Variants in HOMER1 observed in about 807,000 individuals in gnomAD.
The protein encoded by HOMER1 is homer scaffold protein 1.
HOMER1 carries 3 observed loss-of-function variants against 48.9 expected under a neutral mutation model. The observed-to-expected ratio is 0.06, with a 90% confidence interval of 0.03 to 0.16. The LOEUF is 0.16. HOMER1 is among the 10% of genes least tolerant of loss of function. The pLI, the probability that HOMER1 is intolerant of heterozygous loss-of-function variation, is 1.00. For missense variants in HOMER1, 247 were observed against 411.4 expected (o/e 0.60, Z 3.46); for synonymous variants, 134 against 146.4 (o/e 0.92, Z 0.61).
chr5:79,472,421 G>A (rs1361049627), intron 1 of HOMER1, among the ~76,000 whole-genome samples: 1 of 152,088 alleles, frequency 6.6e-6, no homozygotes, highest in East Asian at 1.9e-4. Flanking sequence ...GCAGATTTGT[G>A]CACTTTACTG....
At chr5:79,427,650 A>ACCTT (rs1178778660) in intron 5 of HOMER1, among the ~76,000 whole-genome samples, 1 of 104,422 alleles carries the variant, frequency 9.6e-6, no homozygotes, top group Non-Finnish European at 2.1e-5. Flanking sequence ...TTTCCTTCCT[A>ACCTT]CCTTCCTTCC....
intron 1 of HOMER1, among the ~76,000 whole-genome samples, chr5:79,502,855 A>G (rs1388195108): frequency 6.6e-6 from 1 of 152,130 alleles, no homozygotes; most frequent in Admixed American, 6.5e-5. Flanking sequence ...CAGTGGCGCA[A>G]TCTCAGCTCA....
chr5:79,434,987 G>A (rs1418795688), intron 5 of HOMER1, among the ~76,000 whole-genome samples: 4 of 151,982 alleles, frequency 2.6e-5, no homozygotes, highest in Non-Finnish European at 5.9e-5. Context: ...TAACACAGTG[G>A]AGGAGGACTA....
chr5:79,468,088 C>A, intron 1 of HOMER1, among the ~76,000 whole-genome samples: 1 of 152,160 alleles, frequency 6.6e-6, no homozygotes, highest in East Asian at 1.9e-4. Flanking sequence ...GGTCATTTAA[C>A]TGCCACATAA....
In HOMER1 at chr5:79,387,069, T is replaced by TCTCTC. The variant is rs1749133581; in HGVS notation, c.876+9753_876+9754insGAGAG. ...CTTCCTTCCTTCCTCTTTCCTTTCT[T>TCTCTC]TCTCTATCTCTCTCTCTCTCTCTCT... On this transcript the variant is annotated intron_variant, in intron 8 of 8. Transcript: ENST00000334082. 1.2e-3 allele frequency among the ~76,000 whole-genome samples: 159 copies of TCTCTC among 132,352 alleles called. 4 individuals are homozygous for TCTCTC. Among genetic ancestry groups the TCTCTC allele is most frequent in the Middle Eastern group, 3.7e-3 (1 of 268 alleles). 86.8% of individuals were successfully genotyped at this position (132,352 alleles called of 152,430 possible).
chr5:79,490,176 T>G (rs531942521), intron 1 of HOMER1, among the ~76,000 whole-genome samples: 10 of 152,384 alleles, frequency 6.6e-5, no homozygotes, highest in Admixed American at 2.0e-4. Flanking sequence ...AGACATTTGT[T>G]AAATGAATTT....
chr5:79,509,010 T>C (rs1002137690), intron 1 of HOMER1, among the ~76,000 whole-genome samples: 1 of 152,354 alleles, frequency 6.6e-6, no homozygotes, highest in South Asian at 2.1e-4. Context: ...GGTGGTTATC[T>C]TTGCAATAAA....
At chr5:79,454,905 C>T (rs987918158) in intron 2 of HOMER1, among the ~76,000 whole-genome samples, 1 of 152,058 alleles carries the variant, frequency 6.6e-6, no homozygotes, top group Non-Finnish European at 1.5e-5. Flanking sequence ...TCACAACAAC[C>T]CTATGGTGGA....
At chr5:79,397,489 G>T in intron 7 of HOMER1, 38 bp downstream of exon 7, 1 of 1,135,638 alleles carries the variant, frequency 8.8e-7, no homozygotes, top group Non-Finnish European at 1.3e-6. Flanking sequence ...GTACAAACAT[G>T]TTAGCTAGAT....
At chr5:79,502,642 G>T (rs1163064328) in intron 1 of HOMER1, among the ~76,000 whole-genome samples, 1 of 152,078 alleles carries the variant, frequency 6.6e-6, no homozygotes, top group African/African-American at 2.4e-5. Context: ...TACCATCTTT[G>T]AAAACATTCT....
chr5:79,423,746 A>G (rs1437621022), intron 5 of HOMER1, among the ~76,000 whole-genome samples: 14 of 152,104 alleles, frequency 9.2e-5, no homozygotes, highest in Admixed American at 9.2e-4. Context: ...AATCAGGATA[A>G]GGAGATTCAG....
In HOMER1 at chr5:79,432,354, C is replaced by T. The variant is rs116875747; in HGVS notation, c.527+6656G>A. Reference sequence around the variant, plus strand: ...ATAATTAATCTAGGATCAATCTGTTCCATGGCAAATGACCACACCTGTAAT... The same window carrying T: ...ATAATTAATCTAGGATCAATCTGTTTCATGGCAAATGACCACACCTGTAAT... On this transcript the variant is annotated intron_variant, in intron 5 of 8. Transcript: ENST00000334082. 3.9e-3 allele frequency among the ~76,000 whole-genome samples: 594 copies of T among 152,290 alleles called. 7 individuals carry two copies. The South Asian group carries it at 0.041, about 10-fold the overall frequency.
chr5:79,502,912 TCC>T (rs2112376389), intron 1 of HOMER1, among the ~76,000 whole-genome samples: 1 of 152,260 alleles, frequency 6.6e-6, no homozygotes, highest in Non-Finnish European at 1.5e-5. Context: ...TGCCTCAGCC[TCC>T]CGAGTAGCTG....
chr5:79,435,830 C>T (rs574254904), intron 5 of HOMER1, among the ~76,000 whole-genome samples: 2 of 144,126 alleles, frequency 1.4e-5, no homozygotes, highest in East Asian at 4.2e-4. Flanking sequence ...GACTCTGTCT[C>T]TAAATAAATA....
intron 3 of HOMER1, among the ~76,000 whole-genome samples, chr5:79,449,251 A>T (rs918412305): frequency 1.6e-4 from 11 of 70,442 alleles, no homozygotes; most frequent in South Asian, 5.6e-4. Context: ...ATAGGCAATA[A>T]AAAAAAACAC....
intron 8 of HOMER1, among the ~76,000 whole-genome samples, chr5:79,379,397 A>C (rs1160775307): frequency 8.8e-6 from 1 of 113,774 alleles, no homozygotes; most frequent in Non-Finnish European, 1.7e-5. Flanking sequence ...ATATTATATA[A>C]ATATTTATAT....
At chr5:79,376,233 A>C in intron 8 of HOMER1, 36 bp from the exon 9 acceptor site, 3 of 1,463,362 alleles carry the variant, frequency 2.1e-6, no homozygotes, top group Middle Eastern at 1.8e-4. Flanking sequence ...ATATATGTCA[A>C]TTCATCACTT....
At chr5:79,415,157 G>C (rs1749909720) in intron 5 of HOMER1, among the ~76,000 whole-genome samples, 1 of 151,866 alleles carries the variant, frequency 6.6e-6, no homozygotes, top group African/African-American at 2.4e-5. Flanking sequence ...GGGCTCAAGT[G>C]ATCCTCCCAC....
chr5:79,453,289 G>A (rs893664981), intron 2 of HOMER1, among the ~76,000 whole-genome samples: 2 of 152,160 alleles, frequency 1.3e-5, no homozygotes, highest in Non-Finnish European at 2.9e-5. Context: ...CATTTTATAC[G>A]TGACCCTAAT....
Sources: allele counts gnomAD v4.1 joint callset (sites outside exome capture counted in the v4.1 genomes callset), GRCh38; gene constraint gnomAD v4.1.1; transcripts MANE v1.5; gene names NCBI Gene and HGNC (gene_info 2026-07-23, HGNC 2026-07-21).